The following ZFAT variants were observed in gnomAD, a reference collection of about 807,000 sequenced individuals.
ZFAT encodes the protein zinc finger protein ZFAT.
ZFAT carries 64 observed loss-of-function variants against 117.7 expected under a neutral mutation model. The ratio of observed to expected loss-of-function variants is 0.54; its 90% CI spans 0.44 to 0.67. ZFAT has a LOEUF of 0.67. Among genes scored for constraint, ZFAT ranks in the 30% least tolerant of loss-of-function variants. The pLI, the probability that ZFAT is intolerant of heterozygous loss-of-function variation, is 0.00. For missense variants in ZFAT, 1,433 were observed against 1,584.5 expected (o/e 0.90, Z 1.62); for synonymous variants, 679 against 615.0 (o/e 1.10, Z -1.54).
chr8:134,765,738 A>T, the ZFAT span: 1 of 152,056 alleles, frequency 6.6e-6, no homozygotes, highest in African/African-American at 2.4e-5. Flanking sequence ...GGCTGCCTGC[A>T]CCTGAGTACA....
chr8:134,715,385 T>A (rs1399082502), upstream of ZFAT, among the ~76,000 whole-genome samples: 3 of 152,332 alleles, frequency 2.0e-5, no homozygotes, highest in East Asian at 5.8e-4. Context: ...AGAGAAGAGT[T>A]ACTGAGCACC....
intron 1 of ZFAT, among the ~76,000 whole-genome samples, chr8:134,690,469 A>C (rs1358836788): frequency 1.3e-5 from 2 of 152,236 alleles, no homozygotes; most frequent in East Asian, 1.9e-4. Context: ...AGATGTGGAA[A>C]ACATACAACT....
chr8:134,770,951 C>T, the ZFAT span, among the ~76,000 whole-genome samples: 1 of 81,032 alleles, frequency 1.2e-5, no homozygotes, highest in Non-Finnish European at 2.3e-5. Flanking sequence ...TCTCAAAACC[C>T]TGTCTCCTGA....
In ZFAT at chr8:134,570,458, C is replaced by T. The variant is rs529231862; in HGVS notation, c.2888-5037G>A. Among the ~76,000 whole-genome samples the T allele has an allele frequency of 5.9e-5, 9 of 152,240 alleles. No individual in the cohort carries two copies. The South Asian group carries it at 1.5e-3, about 25-fold the overall frequency. ...TATCCATCTCACTCACGAGAATTTT[C>T]GCCTCATGACAGTGGAGATTTTGGG... On this transcript the variant is annotated intron_variant, in intron 10 of 15. Transcript: ENST00000377838.
intron 12 of ZFAT, among the ~76,000 whole-genome samples, chr8:134,522,013 A>G (rs1253708179): frequency 6.6e-6 from 1 of 152,266 alleles, no homozygotes; most frequent in Middle Eastern, 3.4e-3. Context: ...TCTCTCCTCT[A>G]TGCCAGTGCT....
At chr8:134,610,787 GAAT>G in intron 3 of ZFAT, 132 bp from the exon 4 acceptor site, 5 of 1,006,322 alleles carry the variant, frequency 5.0e-6, no homozygotes, top group Admixed American at 5.1e-5. Flanking sequence ...GCAGACCACG[GAAT>G]CACTGTAGGT....
At chr8:134,766,176 G>A in the ZFAT span, 3 of 152,110 alleles carry the variant, frequency 2.0e-5, no homozygotes, top group Non-Finnish European at 4.4e-5. Context: ...AATGCAACTT[G>A]AGACCAAAAG....
chr8:134,701,408 A>C (rs1834004785), intron 1 of ZFAT, among the ~76,000 whole-genome samples: 1 of 152,216 alleles, frequency 6.6e-6, no homozygotes, highest in Admixed American at 6.5e-5. Context: ...CATTTTGCTT[A>C]GCCTTTCATC....
At chr8:134,717,466 CTTTTTTTTTTTTTTTTTTTT>C (rs746460924), upstream of ZFAT, among the ~76,000 whole-genome samples, 9 of 19,358 alleles carry the variant, frequency 4.6e-4, no homozygotes, top group African/African-American at 6.4e-4. Flanking sequence ...AATAACAACT[CTTTTTTTTTTTTTTTTTTTT>C]TTTTTTTTTT....
the ZFAT span, among the ~76,000 whole-genome samples, chr8:134,778,409 CTCT>C: frequency 1.3e-5 from 2 of 152,200 alleles, no homozygotes; most frequent in African/African-American, 4.8e-5. Context: ...GAAGAGAATT[CTCT>C]TTTTTCAGTT....
intron 1 of ZFAT, among the ~76,000 whole-genome samples, chr8:134,702,802 G>A (rs946854781): frequency 2.0e-5 from 3 of 151,940 alleles, no homozygotes; most frequent in Non-Finnish European, 4.4e-5. Context: ...CTCCCGAGTA[G>A]CTGGGACTAC....
Position 134,532,822 on chromosome 8 carries a change from C to A in ZFAT, c.3115+12G>T, listed in dbSNP as rs750900158. On this transcript the variant is annotated intron_variant, in intron 12 of 15. Transcript: ENST00000377838. Reference sequence around the variant, plus strand: ...AGCGGGCAGGGCCCCAGCTCGCTGGCCCCTCGCCTACCTTGCTGGATGAGC... The same window carrying A: ...AGCGGGCAGGGCCCCAGCTCGCTGGACCCTCGCCTACCTTGCTGGATGAGC... The A allele has an allele frequency of 4.4e-6, 7 of 1,608,680 alleles. No homozygotes were observed. The highest frequency in any genetic ancestry group is 5.9e-6 in the Non-Finnish European group (7 of 1,178,254).
chr8:134,674,247 C>A (rs1299623411), intron 1 of ZFAT, among the ~76,000 whole-genome samples: 4 of 152,138 alleles, frequency 2.6e-5, no homozygotes, highest in African/African-American at 4.8e-5. Flanking sequence ...CCAGGTACTG[C>A]GCTTTTCCTA....
the ZFAT span, among the ~76,000 whole-genome samples, chr8:134,747,931 G>C: frequency 6.6e-6 from 1 of 152,178 alleles, no homozygotes; most frequent in Admixed American, 6.5e-5. Context: ...AATGAAATGT[G>C]GATAACAAGA....
intron 13 of ZFAT, 113 bp downstream of exon 13, chr8:134,520,770 A>G (rs1820599115): frequency 3.6e-6 from 3 of 824,654 alleles, no homozygotes; most frequent in Non-Finnish European, 5.7e-6. Flanking sequence ...AGTTCCCCAA[A>G]CAGAAAATCT....
chr8:134,582,087 A>C (rs1292545243), intron 10 of ZFAT, among the ~76,000 whole-genome samples: 1 of 152,254 alleles, frequency 6.6e-6, no homozygotes, highest in Non-Finnish European at 1.5e-5. Flanking sequence ...TGACAACAAG[A>C]CATCTTTGTC....
chr8:134,809,945 C>T, the ZFAT span, among the ~76,000 whole-genome samples: 4 of 152,114 alleles, frequency 2.6e-5, no homozygotes, highest in Non-Finnish European at 4.4e-5. Flanking sequence ...TTGTCACCAC[C>T]AACACATAGA....
intron 13 of ZFAT, among the ~76,000 whole-genome samples, chr8:134,516,165 A>G (rs189817102): frequency 6.6e-6 from 1 of 152,330 alleles, no homozygotes; most frequent in East Asian, 1.9e-4. Flanking sequence ...GCTGTCAGCA[A>G]TCTAAGTTTC....
intron 10 of ZFAT, among the ~76,000 whole-genome samples, chr8:134,577,591 C>T (rs560027439): frequency 6.6e-6 from 1 of 152,272 alleles, no homozygotes; most frequent in African/African-American, 2.4e-5. Flanking sequence ...TTACATTTTC[C>T]ACTCATTCAA....
Sources: allele counts gnomAD v4.1 joint callset (sites outside exome capture counted in the v4.1 genomes callset), GRCh38; gene constraint gnomAD v4.1.1; transcripts MANE v1.5; gene names NCBI Gene and HGNC (gene_info 2026-07-23, HGNC 2026-07-21).